The following CHSY3 variants were observed in gnomAD, a reference collection of about 807,000 sequenced individuals.
The protein encoded by CHSY3 is N-acetylgalactosaminyl-proteoglycan 3-beta-glucuronosyltransferase 3.
Under a neutral mutation model 67.2 loss-of-function variants are expected in CHSY3, and 35 were observed. The observed-to-expected ratio is 0.52, with a 90% CI of 0.40 to 0.69. CHSY3 has a LOEUF of 0.69. Among genes scored for constraint, CHSY3 ranks in the 30% least tolerant of loss-of-function variants. The probability of loss-of-function intolerance (pLI) is 0.00; values close to 1 mark genes in which losing one functional copy is unlikely to be tolerated. For synonymous variants in CHSY3, 474 were observed against 434.7 expected (o/e 1.09, Z -1.12); for missense variants, 1,069 against 1,138.5 (o/e 0.94, Z 0.88).
intron 2 of CHSY3, among the ~76,000 whole-genome samples, chr5:129,977,424 G>A (rs530394862): frequency 6.6e-6 from 1 of 152,254 alleles, no homozygotes; most frequent in African/African-American, 2.4e-5. Flanking sequence ...CACTGTGGCA[G>A]CTCAAAACAA....
At chr5:130,054,187 G>A (rs1006755584) in intron 2 of CHSY3, among the ~76,000 whole-genome samples, 10 of 151,902 alleles carry the variant, frequency 6.6e-5, no homozygotes, top group South Asian at 4.2e-4. Flanking sequence ...TTGTTCTTTC[G>A]CTGTGCCCAT....
intron 2 of CHSY3, among the ~76,000 whole-genome samples, chr5:130,091,128 A>ACG (rs908613281): frequency 8.6e-6 from 1 of 115,730 alleles, no homozygotes; most frequent in Non-Finnish European, 1.8e-5. Flanking sequence ...ACACACACAC[A>ACG]CACACACGCA....
intron 2 of CHSY3, among the ~76,000 whole-genome samples, chr5:130,087,234 A>G (rs1226086028): frequency 2.0e-5 from 3 of 152,110 alleles, no homozygotes; most frequent in African/African-American, 4.8e-5. Context: ...AATAAGAGCT[A>G]TCTGTGACAA....
At chr5:130,157,253 A>G (rs1219238780) in intron 2 of CHSY3, among the ~76,000 whole-genome samples, 1 of 152,220 alleles carries the variant, frequency 6.6e-6, no homozygotes, top group African/African-American at 2.4e-5. Context: ...TTAAAAGGCC[A>G]AAACAATGAG....
At chr5:130,127,284 T>A (rs141781178) in intron 2 of CHSY3, among the ~76,000 whole-genome samples, 239 of 152,270 alleles carry the variant, frequency 1.6e-3, no homozygotes, top group African/African-American at 5.5e-3. Context: ...ATTAAGCCCC[T>A]ATTTCATGCC....
At chr5:130,147,701 A>G (rs1020743065) in intron 2 of CHSY3, among the ~76,000 whole-genome samples, 17 of 152,176 alleles carry the variant, frequency 1.1e-4, no homozygotes, top group Admixed American at 7.9e-4. Context: ...GGGAGCTTAC[A>G]ATCTGGCAGT....
intron 2 of CHSY3, among the ~76,000 whole-genome samples, chr5:130,044,593 G>C (rs1364235665): frequency 6.6e-6 from 1 of 152,086 alleles, no homozygotes; most frequent in African/African-American, 2.4e-5. Context: ...GGATTGGTCA[G>C]TGAAAGTCAT....
chr5:129,949,984 T>A (rs1761978700), intron 2 of CHSY3, among the ~76,000 whole-genome samples: 3 of 151,892 alleles, frequency 2.0e-5, no homozygotes, highest in Admixed American at 1.3e-4. Flanking sequence ...GCCAACATGG[T>A]GAAACCTCAT....
At chr5:130,130,663 T>C (rs1277318462) in intron 2 of CHSY3, among the ~76,000 whole-genome samples, 1 of 152,190 alleles carries the variant, frequency 6.6e-6, no homozygotes. Flanking sequence ...CTTCTCCAGA[T>C]AGCCTGAGCT....
At chr5:130,106,379 C>T (rs1024304283) in intron 2 of CHSY3, among the ~76,000 whole-genome samples, 4 of 151,600 alleles carry the variant, frequency 2.6e-5, no homozygotes, top group Non-Finnish European at 5.9e-5. Context: ...CCCAGCAGTA[C>T]AGGAGAAGAA....
intron 2 of CHSY3, among the ~76,000 whole-genome samples, chr5:130,158,039 C>T (rs1052497622): frequency 2.1e-4 from 32 of 152,182 alleles, no homozygotes; most frequent in Non-Finnish European, 3.4e-4. Context: ...GCAGTGGGGA[C>T]GACCAGAGGT....
chr5:129,995,749 G>C (rs1032912037), intron 2 of CHSY3, among the ~76,000 whole-genome samples: 1 of 151,520 alleles, frequency 6.6e-6, no homozygotes, highest in African/African-American at 2.4e-5. Context: ...GAATGATCTG[G>C]TTCCAAACCA....
At chr5:130,080,037 TACACACACACACAC>T (rs35994744) in intron 2 of CHSY3, among the ~76,000 whole-genome samples, 8 of 143,322 alleles carry the variant, frequency 5.6e-5, no homozygotes, top group Non-Finnish European at 7.7e-5. Flanking sequence ...CACCTGAACA[TACACACACACACAC>T]ACACACACAC....
intron 2 of CHSY3, among the ~76,000 whole-genome samples, chr5:130,010,803 A>T: frequency 6.6e-6 from 1 of 152,148 alleles, no homozygotes; most frequent in Non-Finnish European, 1.5e-5. Flanking sequence ...ATTACCACCA[A>T]CCCACAGAAA....
At chr5:129,957,532 A>G (rs1342403403) in intron 2 of CHSY3, among the ~76,000 whole-genome samples, 1 of 152,176 alleles carries the variant, frequency 6.6e-6, no homozygotes, top group African/African-American at 2.4e-5. Context: ...AATGCCTGCA[A>G]GTATGAAAGT....
Position 129,905,167 on chromosome 5 carries a change from G to A in CHSY3, c.338G>A (p.Arg113Gln). The part of the protein sequence containing the change: ...WQQPPPLQQR[R>Q]RGREPEGATG... ...CAGCCACCTCCGCTGCAGCAGCGGCGGCGAGGACGCGAGCCTGAGGGCGCG... is the reference window on the plus strand; with the variant it reads ...CAGCCACCTCCGCTGCAGCAGCGGCAGCGAGGACGCGAGCCTGAGGGCGCG... The change falls in exon 1 of 3, where the codon CGG becomes CAG. Residue 113 changes from arginine (R) to glutamine (Q), a missense_variant. Transcript: ENST00000305031. The A allele has an allele frequency of 6.6e-7, 1 of 1,525,746 alleles. No individual in the cohort carries two copies. The allele number at this position is 1,525,746 out of a possible 1,614,324, so 94.5% of individuals were successfully genotyped here.
At chr5:129,948,953 T>C (rs1243464278) in intron 2 of CHSY3, among the ~76,000 whole-genome samples, 1 of 152,202 alleles carries the variant, frequency 6.6e-6, no homozygotes, top group Non-Finnish European at 1.5e-5. Flanking sequence ...CTATAGTGGT[T>C]GGGCTAGTTT....
chr5:130,181,503 A>G (rs997071947), intron 2 of CHSY3, among the ~76,000 whole-genome samples: 1 of 152,114 alleles, frequency 6.6e-6, no homozygotes. Context: ...CACATTTATG[A>G]ACATACATGT....
intron 2 of CHSY3, among the ~76,000 whole-genome samples, chr5:130,148,099 G>A (rs1304168564): frequency 1.3e-5 from 2 of 152,062 alleles, no homozygotes; most frequent in Middle Eastern, 3.4e-3. Context: ...CTATACGTAC[G>A]TACATGTGTT....
Sources: gnomAD v4.1 joint callset for allele counts (sites outside exome capture counted in the v4.1 genomes callset) on GRCh38, gnomAD v4.1.1 for gene constraint, MANE v1.5 for transcripts, NCBI Gene and HGNC (gene_info 2026-07-23, HGNC 2026-07-21) for gene names.